The following DDIAS variants were observed in gnomAD, a reference collection of about 807,000 sequenced individuals.
DDIAS encodes the protein DNA damage-induced apoptosis suppressor protein.
Under a neutral mutation model 15.7 loss-of-function variants are expected in DDIAS, and 14 were observed. The ratio of observed to expected loss-of-function variants is 0.89; its 90% confidence interval spans 0.59 to 1.39. DDIAS has a LOEUF of 1.39. Among genes scored for constraint, DDIAS ranks in the 40% most tolerant of loss-of-function variants. DDIAS has a pLI of 0.00. For synonymous variants in DDIAS, 355 were observed against 395.9 expected, an observed-to-expected ratio of 0.90 and a Z score of 1.23; for missense variants, 1,035 against 1,130.9, an observed-to-expected ratio of 0.92 and a Z score of 1.22.
At chr11:82,913,572 TA>T (rs996408080) in intron 2 of DDIAS, 186 bp downstream of exon 2, 3 of 340,422 alleles carry the variant, frequency 8.8e-6, no homozygotes, top group Non-Finnish European at 1.7e-5. Flanking sequence ...ACAAGGATAT[TA>T]AAACACTTTG....
intron 1 of DDIAS, among the ~76,000 whole-genome samples, chr11:82,911,084 A>G (rs1242712520): frequency 2.0e-5 from 3 of 152,212 alleles, no homozygotes; most frequent in Admixed American, 6.5e-5. Context: ...GTTAATGATC[A>G]TCTGAGCCTT....
Position 82,914,822 on chromosome 11 carries a change from C to G in DDIAS, c.84C>G (p.Cys28Trp). The stretch of plus-strand genomic sequence containing the variant: ...TTATATATCCATCATGTCAGAAGTG[C>G]TTCTCTAGGATAATCCTGGTCTCCA... ...SSFIYPSCQK[C>W]FSRIILVSKR... The change falls in exon 3 of 6, where the codon TGC becomes TGG. Residue 28 changes from cysteine (C) to tryptophan (W), a missense_variant. By Grantham distance (215) the Cys-to-Trp change is radical. Transcript: ENST00000533655. 6.2e-7 allele frequency: 1 copy of G among 1,600,226 alleles called. No homozygotes were observed. Among genetic ancestry groups the G allele is most frequent in the Non-Finnish European group, 8.6e-7 (1 of 1,168,214 alleles).
chr11:82,909,779 T>A (rs1421130400), intron 1 of DDIAS, among the ~76,000 whole-genome samples: 1 of 152,202 alleles, frequency 6.6e-6, no homozygotes, highest in African/African-American at 2.4e-5. Context: ...TACTAATGTA[T>A]ATATAAGAGT....
chr11:82,933,345 T>G lies in DDIAS; in HGVS notation c.2007T>G (p.Tyr669Ter). 6.2e-7 allele frequency: 1 copy of G among 1,614,102 alleles called. No individual in the cohort carries two copies. The highest frequency in any genetic ancestry group is 8.5e-7 in the Non-Finnish European group (1 of 1,179,996). ...TAACACAGAGCTATTCTATTGGTTA[T>G]GAAGGTAGCTATGATGCCTCTGCTG... Reference protein sequence around the residue: ...NNVTQSYSIGYEGSYDASADL... With the variant: ...NNVTQSYSIG Residue 669 changes from tyrosine to a stop codon, truncating the protein, a stop_gained, in exon 6 of 6, where the codon TAT becomes TAG. Coordinates refer to ENST00000533655, the MANE Select transcript of DDIAS (RefSeq NM_145018.4). LOFTEE classifies it low-confidence loss of function (END_TRUNC).
intron 1 of DDIAS, among the ~76,000 whole-genome samples, chr11:82,909,954 G>T (rs1860494469): frequency 6.6e-6 from 1 of 152,032 alleles, no homozygotes; most frequent in African/African-American, 2.4e-5. Flanking sequence ...TATTTTGATT[G>T]ACTATCAGAA....
At position 82,932,845 on chromosome 11, in the gene DDIAS, C is replaced by T. The variant is rs772287117; in HGVS notation, c.1507C>T (p.Leu503=). ...CTTCCTTTTCAACTGTAAAGGAAAT[C>T]TAAGTCCTAGTGTTGAAAAGGAGTC... ...DDFLFNCKGN[L]SPSVEKESQP... Residue 503 remains leucine (L), a synonymous_variant, in exon 6 of 6, where the codon CTA becomes TTA. Coordinates refer to ENST00000533655, the MANE Select transcript of DDIAS (RefSeq NM_145018.4). 1.9e-6 allele frequency: 3 copies of T among 1,613,402 alleles called. No individual in the cohort carries two copies. The South Asian group carries it at 3.3e-5, about 18-fold the overall frequency.
chr11:82,910,279 CTTTT>C (rs71063240), intron 1 of DDIAS, among the ~76,000 whole-genome samples: 114 of 129,826 alleles, frequency 8.8e-4, no homozygotes, highest in African/African-American at 1.5e-3. Context: ...ACAAACCAAC[CTTTT>C]TTTTTTTTTT....
chr11:82,907,463 A>T (rs967294541), intron 1 of DDIAS, among the ~76,000 whole-genome samples: 1 of 152,204 alleles, frequency 6.6e-6, no homozygotes, highest in Non-Finnish European at 1.5e-5. Context: ...TAGGAAGAAA[A>T]TTCTGGTTAT....
At chr11:82,906,564 C>T (rs556038137) in intron 1 of DDIAS, among the ~76,000 whole-genome samples, 2 of 152,086 alleles carry the variant, frequency 1.3e-5, no homozygotes, top group African/African-American at 4.8e-5. Context: ...GCCCAGTGTA[C>T]GAGTCATGTT....
At chr11:82,920,934 A>G (rs1860733374) in intron 3 of DDIAS, among the ~76,000 whole-genome samples, 1 of 152,068 alleles carries the variant, frequency 6.6e-6, no homozygotes, top group Admixed American at 6.5e-5. Context: ...TTCTTTGTTG[A>G]CTTTCTGTCT....
chr11:82,932,500 T>A lies in DDIAS; in HGVS notation c.1162T>A (p.Ser388Thr), dbSNP rs779424542. The A allele has an allele frequency of 6.2e-7, 1 of 1,614,048 alleles. No individual in the cohort carries two copies. The highest frequency in any genetic ancestry group is 8.5e-7 in the Non-Finnish European group (1 of 1,180,044). The change falls in exon 6 of 6, where the codon TCT becomes ACT. Residue 388 changes from serine (S) to threonine (T), a missense_variant. Ser to Thr is a moderately conservative substitution (Grantham distance 58). Coordinates refer to ENST00000533655, the MANE Select transcript of DDIAS (RefSeq NM_145018.4). ...TACCCCAACTAGCCTTCAGAAGAGATCTGCATGTTGTCCACCTTCGTTACT... is the reference window on the plus strand; with the variant it reads ...TACCCCAACTAGCCTTCAGAAGAGAACTGCATGTTGTCCACCTTCGTTACT... Reference protein sequence around the residue: ...IDTPTSLQKRSACCPPSLLRL... With the variant: ...IDTPTSLQKRTACCPPSLLRL...
Position 82,932,452 on chromosome 11 carries a change from T to C in DDIAS, c.1114T>C (p.Cys372Arg), listed in dbSNP as rs775823911. The C allele has an allele frequency of 3.1e-6, 5 of 1,614,218 alleles. No homozygotes were observed. The highest frequency in any genetic ancestry group is 3.3e-5 in the Admixed American group (2 of 60,028). ...AAATAGGTCCCAGCATGAGCTACCA[T>C]GTTTTCAGCATCATGGTATAGATAC... is the stretch of plus-strand genomic sequence containing the variant. ...IKNRSQHELP[C>R]FQHHGIDTPT... is the part of the protein sequence containing the mutation. The change falls in exon 6 of 6, where the codon TGT becomes CGT. Residue 372 changes from cysteine (C) to arginine (R), a missense_variant. Coordinates refer to ENST00000533655, the MANE Select transcript of DDIAS (RefSeq NM_145018.4).
At chr11:82,922,565 A>G (rs771693868) in intron 3 of DDIAS, 3 of 151,914 alleles carry the variant, frequency 2.0e-5, no homozygotes, top group Admixed American at 6.6e-5. Flanking sequence ...TGAAGTTTTG[A>G]TTGTTTTTCT....
At chr11:82,914,280 G>A (rs1860586170) in intron 2 of DDIAS, 1 of 200,316 alleles carries the variant, frequency 5.0e-6, no homozygotes, top group Non-Finnish European at 1.0e-5. Flanking sequence ...TTTGTGTTAA[G>A]TACTTATGTG....
At chr11:82,904,894 C>T (rs1388838479) in intron 1 of DDIAS, among the ~76,000 whole-genome samples, 1 of 152,128 alleles carries the variant, frequency 6.6e-6, no homozygotes, top group Non-Finnish European at 1.5e-5. Flanking sequence ...CTTCTTCAAG[C>T]AACTTTCTGT....
At chr11:82,931,107 C>G (rs895325470) in intron 5 of DDIAS, among the ~76,000 whole-genome samples, 3 of 152,054 alleles carry the variant, frequency 2.0e-5, no homozygotes, top group African/African-American at 4.8e-5. Flanking sequence ...AAACAGTAAT[C>G]CTGCATTTTT....
At chr11:82,923,148 A>G (rs1316595334) in intron 3 of DDIAS, among the ~76,000 whole-genome samples, 2 of 151,998 alleles carry the variant, frequency 1.3e-5, no homozygotes, top group Non-Finnish European at 2.9e-5. Flanking sequence ...TCCTCTTGGG[A>G]TTCCTGGTTT....
intron 3 of DDIAS, among the ~76,000 whole-genome samples, chr11:82,921,571 CTTT>C (rs968751055): frequency 1.8e-4 from 14 of 78,114 alleles, no homozygotes; most frequent in African/African-American, 6.6e-4. Context: ...TTCTTTCTTT[CTTT>C]TTTTTTTTTT....
chr11:82,913,937 C>T (rs1860573542), intron 2 of DDIAS: 1 of 416,308 alleles, frequency 2.4e-6, no homozygotes, highest in Non-Finnish European at 4.8e-6. Context: ...TTATACAATA[C>T]TTTTTTTTTT....
Sources: gnomAD v4.1 joint callset for allele counts (sites outside exome capture counted in the v4.1 genomes callset) on GRCh38, gnomAD v4.1.1 for gene constraint, MANE v1.5 for transcripts, NCBI Gene and HGNC (gene_info 2026-07-23, HGNC 2026-07-21) for gene names.